The following WWOX variants were observed in gnomAD, a reference collection of about 807,000 sequenced individuals.
WWOX encodes the protein WW domain-containing oxidoreductase.
A neutral mutation model predicts 46.2 loss-of-function variants in WWOX; 69 were observed. That is an observed-to-expected ratio of 1.49 (90% CI 1.23 to 1.82). The LOEUF is 1.82. Ranked by LOEUF, WWOX falls within the 40% of genes most tolerant of loss-of-function variation. The pLI is 0.00. For missense variants in WWOX, 919 were observed against 542.6 expected, an observed-to-expected ratio of 1.69 and a Z score of -6.89; for synonymous variants, 359 against 202.6, an observed-to-expected ratio of 1.77 and a Z score of -6.56.
chr16:78,662,252 G>T (rs1383291873), intron 8 of WWOX, among the ~76,000 whole-genome samples: 10 of 152,134 alleles, frequency 6.6e-5, no homozygotes, highest in Non-Finnish European at 1.3e-4. Context: ...CCTGCTATCT[G>T]TACATAGAAG....
chr16:78,906,401 T>A (rs1166577568), intron 8 of WWOX, among the ~76,000 whole-genome samples: 1 of 152,146 alleles, frequency 6.6e-6, no homozygotes. Flanking sequence ...TTCCTCTCCT[T>A]CCTACTTTCC....
chr16:78,516,910 T>C (rs1453239465), intron 8 of WWOX, among the ~76,000 whole-genome samples: 6 of 152,204 alleles, frequency 3.9e-5, no homozygotes, highest in Non-Finnish European at 7.3e-5. Flanking sequence ...ATTAACATTA[T>C]TATTATTGGT....
chr16:79,057,345 C>T (rs1317285324), intron 8 of WWOX, among the ~76,000 whole-genome samples: 1 of 152,106 alleles, frequency 6.6e-6, no homozygotes, highest in South Asian at 2.1e-4. Flanking sequence ...ATGCAATTGC[C>T]CCCAAATTAT....
intron 8 of WWOX, among the ~76,000 whole-genome samples, chr16:78,929,257 T>C (rs1428987704): frequency 6.6e-6 from 1 of 151,738 alleles, no homozygotes; most frequent in Non-Finnish European, 1.5e-5. Flanking sequence ...TACAGTGATT[T>C]TTTTTTTTGT....
At chr16:78,709,286 C>A (rs1414912529) in intron 8 of WWOX, among the ~76,000 whole-genome samples, 1 of 152,180 alleles carries the variant, frequency 6.6e-6, no homozygotes, top group Non-Finnish European at 1.5e-5. Flanking sequence ...AACAGTTCAT[C>A]TGGAAAACAA....
At chr16:79,203,690 G>A (rs870) in intron 8 of WWOX, 59,180 of 152,010 alleles carry the variant, frequency 0.39, 13,997 homozygotes, top group Non-Finnish European at 0.54. Flanking sequence ...GGCAGACTTC[G>A]TAGAGCCATT....
chr16:78,449,374 G>A (rs913187638), intron 8 of WWOX, among the ~76,000 whole-genome samples: 3 of 152,148 alleles, frequency 2.0e-5, no homozygotes, highest in Non-Finnish European at 4.4e-5. Context: ...CGTTGTTAAA[G>A]GGGAAAGGAT....
chr16:78,875,993 A>G (rs2044226623), intron 8 of WWOX, among the ~76,000 whole-genome samples: 1 of 152,060 alleles, frequency 6.6e-6, no homozygotes, highest in Non-Finnish European at 1.5e-5. Flanking sequence ...AGTTATACCC[A>G]CTTTAGGTCT....
intron 8 of WWOX, among the ~76,000 whole-genome samples, chr16:78,772,942 T>C (rs1267734024): frequency 6.6e-6 from 1 of 152,162 alleles, no homozygotes; most frequent in Admixed American, 6.5e-5. Context: ...GGAGGATTGC[T>C]TGGGCCCAGG....
chr16:78,626,360 C>T (rs1036405475), intron 8 of WWOX, among the ~76,000 whole-genome samples: 6 of 152,132 alleles, frequency 3.9e-5, no homozygotes, highest in African/African-American at 1.4e-4. Flanking sequence ...TTGGCTGTGA[C>T]AGTTTCTCAG....
intron 8 of WWOX, among the ~76,000 whole-genome samples, chr16:78,476,372 C>T (rs562544995): frequency 3.3e-5 from 5 of 152,220 alleles, no homozygotes; most frequent in South Asian, 4.1e-4. Flanking sequence ...AACCAAACAC[C>T]GCATGTTCTC....
intron 8 of WWOX, among the ~76,000 whole-genome samples, chr16:79,170,525 C>G (rs562093340): frequency 6.6e-6 from 1 of 152,162 alleles, no homozygotes; most frequent in African/African-American, 2.4e-5. Flanking sequence ...CTAAATTATG[C>G]CAGATTAAGA....
At chr16:78,240,943 C>T (rs1296779820) in intron 5 of WWOX, among the ~76,000 whole-genome samples, 1 of 152,148 alleles carries the variant, frequency 6.6e-6, no homozygotes, top group Non-Finnish European at 1.5e-5. Flanking sequence ...AGCAAGGTAT[C>T]GCTTGTCTCA....
chr16:78,647,078 G>T (rs113718323), intron 8 of WWOX, among the ~76,000 whole-genome samples: 1 of 152,102 alleles, frequency 6.6e-6, no homozygotes, highest in Non-Finnish European at 1.5e-5. Context: ...TTCCTTCCCC[G>T]ATGATGGCCA....
chr16:78,648,173 A>G (rs1250019333), intron 8 of WWOX, among the ~76,000 whole-genome samples: 1 of 152,198 alleles, frequency 6.6e-6, no homozygotes, highest in African/African-American at 2.4e-5. Flanking sequence ...AGTTGAATGA[A>G]AAACGGCTAT....
At chr16:78,956,623 C>T (rs950280352) in intron 8 of WWOX, among the ~76,000 whole-genome samples, 1 of 152,084 alleles carries the variant, frequency 6.6e-6, no homozygotes, top group African/African-American at 2.4e-5. Context: ...CATGTCATAT[C>T]ATATCATATC....
chr16:78,993,266 G>T (rs575785582), intron 8 of WWOX, among the ~76,000 whole-genome samples: 1 of 151,708 alleles, frequency 6.6e-6, no homozygotes, highest in African/African-American at 2.4e-5. Context: ...CTATTTGGGG[G>T]TGGGGGGAGG....
chr16:79,207,772 T>C (rs779354869), intron 8 of WWOX, among the ~76,000 whole-genome samples: 53 of 140,860 alleles, frequency 3.8e-4, no homozygotes, highest in Non-Finnish European at 4.1e-4. Context: ...GCATTACAAA[T>C]ATCAATATGT....
chr16:78,918,350 G>A (rs1257708493), intron 8 of WWOX, among the ~76,000 whole-genome samples: 1 of 152,080 alleles, frequency 6.6e-6, no homozygotes, highest in Non-Finnish European at 1.5e-5. Context: ...CTTTTCCTAA[G>A]GAGTCCTTGT....
Sources: gnomAD v4.1 joint callset for allele counts (sites outside exome capture counted in the v4.1 genomes callset) on GRCh38, gnomAD v4.1.1 for gene constraint, MANE v1.5 for transcripts, NCBI Gene and HGNC (gene_info 2026-07-23, HGNC 2026-07-21) for gene names.